Variants in MRTFA observed in about 807,000 individuals in gnomAD.
MRTFA encodes the protein myocardin related transcription factor A.
MRTFA carries 20 observed loss-of-function variants against 83.5 expected under a neutral mutation model. The observed-to-expected ratio is 0.24, with a 90% CI of 0.17 to 0.35. MRTFA has a LOEUF of 0.35. MRTFA is among the 10% of genes least tolerant of loss of function. MRTFA has a pLI of 1.00. For synonymous variants in MRTFA, 659 were observed against 541.2 expected (o/e 1.22, Z -3.02); for missense variants, 1,200 against 1,224.7 (o/e 0.98, Z 0.30).
Position 40,635,630 on chromosome 22 carries a change from C to A in MRTFA, c.-84+848G>T, listed in dbSNP as rs572442075. Among the ~76,000 whole-genome samples, 6 of 152,292 alleles carry A rather than the reference C, an allele frequency of 3.9e-5. No individual in the cohort carries two copies. In the South Asian group the frequency reaches 1.2e-3, roughly 32 times the overall value. ...AGAGAGAAATCTTGACAATGCCAAGCTGGGCTAGTGCTTAAAGGCACACAG... is the reference window on the plus strand; with the variant it reads ...AGAGAGAAATCTTGACAATGCCAAGATGGGCTAGTGCTTAAAGGCACACAG... On this transcript the variant is annotated intron_variant, in intron 1 of 14. Transcript: ENST00000355630.
intron 4 of MRTFA, among the ~76,000 whole-genome samples, chr22:40,457,494 GAAAGAAAGAGAA>G (rs2053616765): frequency 6.6e-6 from 1 of 150,784 alleles, no homozygotes; most frequent in East Asian, 2.0e-4. Context: ...AAGAAGGAAA[GAAAGAAAGAGAA>G]AGAAAGAAAA....
chr22:40,526,767 A>G (rs2054981641), intron 3 of MRTFA: 1 of 152,212 alleles, frequency 6.6e-6, no homozygotes, highest in Non-Finnish European at 1.5e-5. Context: ...GAAGATACAG[A>G]CACTGCAAAA....
At chr22:40,470,257 A>ATATATATATATATATT (rs2053881622) in intron 3 of MRTFA, among the ~76,000 whole-genome samples, 3 of 111,748 alleles carry the variant, frequency 2.7e-5, no homozygotes, top group African/African-American at 1.2e-4. Flanking sequence ...ATATATATAT[A>ATATATATATATATATT]TATATATATA....
chr22:40,453,636 T>C lies in MRTFA; in HGVS notation c.307+9585A>G, dbSNP rs1160564285. On this transcript the variant is annotated intron_variant, in intron 4 of 14. Transcript: ENST00000355630. Reference sequence around the variant, plus strand: ...GTCCCCACCCAAACTCACTCACTGATGAAGTATCCACTGAGACTTAATGTC... The same window carrying C: ...GTCCCCACCCAAACTCACTCACTGACGAAGTATCCACTGAGACTTAATGTC... 2.6e-5 allele frequency among the ~76,000 whole-genome samples: 4 copies of C among 152,258 alleles called. No homozygotes were observed. The East Asian group carries it at 7.7e-4, about 29-fold the overall frequency.
intron 3 of MRTFA, among the ~76,000 whole-genome samples, chr22:40,534,692 T>C (rs1285059955): frequency 6.6e-6 from 1 of 152,202 alleles, no homozygotes; most frequent in African/African-American, 2.4e-5. Flanking sequence ...CATTAACTGA[T>C]ATTCATAACA....
chr22:40,469,440 C>T (rs1336356467), intron 3 of MRTFA, among the ~76,000 whole-genome samples: 1 of 152,218 alleles, frequency 6.6e-6, no homozygotes, highest in African/African-American at 2.4e-5. Flanking sequence ...TAAAAGCTTC[C>T]TGAGGCCTCT....
At chr22:40,475,427 C>T (rs2053976663) in intron 3 of MRTFA, among the ~76,000 whole-genome samples, 2 of 151,918 alleles carry the variant, frequency 1.3e-5, no homozygotes, top group Non-Finnish European at 2.9e-5. Flanking sequence ...ATCCCAGCTA[C>T]CAGGGAGGCT....
chr22:40,627,894 A>G (rs1569359357), intron 1 of MRTFA, among the ~76,000 whole-genome samples: 1 of 152,174 alleles, frequency 6.6e-6, no homozygotes, highest in Non-Finnish European at 1.5e-5. Flanking sequence ...GTTTGAGGTT[A>G]CAGGAGTTTG....
At chr22:40,626,887 A>G (rs1251529450) in intron 1 of MRTFA, among the ~76,000 whole-genome samples, 1 of 151,554 alleles carries the variant, frequency 6.6e-6, no homozygotes, top group African/African-American at 2.4e-5. Flanking sequence ...ACACACACAC[A>G]CACACACACA....
At chr22:40,566,689 G>A (rs1185387875) in intron 2 of MRTFA, among the ~76,000 whole-genome samples, 1 of 152,030 alleles carries the variant, frequency 6.6e-6, no homozygotes, top group Non-Finnish European at 1.5e-5. Context: ...AACAATTAGC[G>A]GAGCATGGTG....
intron 1 of MRTFA, among the ~76,000 whole-genome samples, chr22:40,605,119 T>G (rs1473594159): frequency 6.6e-6 from 1 of 152,200 alleles, no homozygotes; most frequent in African/African-American, 2.4e-5. Flanking sequence ...AAGTAACCAC[T>G]TGTCTGTAAA....
intron 3 of MRTFA, among the ~76,000 whole-genome samples, chr22:40,506,407 A>G (rs1472187397): frequency 6.6e-6 from 1 of 152,204 alleles, no homozygotes; most frequent in Non-Finnish European, 1.5e-5. Context: ...AGAAAATAAG[A>G]TTGTGCACAG....
At chr22:40,579,717 G>A (rs745481532) in intron 2 of MRTFA, among the ~76,000 whole-genome samples, 1 of 151,954 alleles carries the variant, frequency 6.6e-6, no homozygotes, top group South Asian at 2.1e-4. Context: ...AAAATTAGCC[G>A]GGCATGGTGG....
intron 1 of MRTFA, among the ~76,000 whole-genome samples, chr22:40,609,724 G>A (rs376004871): frequency 1.3e-5 from 2 of 151,404 alleles, no homozygotes; most frequent in Admixed American, 1.3e-4. Flanking sequence ...CCAGCTACTC[G>A]GGAGGCTGAG....
intron 3 of MRTFA, among the ~76,000 whole-genome samples, chr22:40,537,023 C>G (rs2055192957): frequency 2.7e-5 from 2 of 74,408 alleles, no homozygotes; most frequent in African/African-American, 5.7e-5. Flanking sequence ...GGGGGGGGGT[C>G]AGCCCCCCCG....
chr22:40,432,357 T>C (rs6001912), intron 5 of MRTFA, among the ~76,000 whole-genome samples: 17,725 of 152,182 alleles, frequency 0.12, 1,189 homozygotes, highest in East Asian at 0.24. Context: ...AAATGGAATA[T>C]GAATTTTGAC....
chr22:40,574,504 G>A (rs576021945), intron 2 of MRTFA, among the ~76,000 whole-genome samples: 11 of 150,832 alleles, frequency 7.3e-5, no homozygotes, highest in East Asian at 3.9e-4. Context: ...GCGTGATCTC[G>A]GCTCACTGCA....
intron 1 of MRTFA, among the ~76,000 whole-genome samples, chr22:40,606,401 T>C (rs951219363): frequency 1.3e-5 from 2 of 152,170 alleles, no homozygotes; most frequent in Admixed American, 1.3e-4. Flanking sequence ...ATCTGTTAAA[T>C]ACTCATGAGC....
chr22:40,635,950 G>A (rs1443017005), intron 1 of MRTFA, among the ~76,000 whole-genome samples: 2 of 152,136 alleles, frequency 1.3e-5, no homozygotes, highest in Non-Finnish European at 2.9e-5. Flanking sequence ...CCTGACAGAC[G>A]CTTTCTTAGG....
Sources: gnomAD v4.1 joint callset for allele counts (sites outside exome capture counted in the v4.1 genomes callset) on GRCh38, gnomAD v4.1.1 for gene constraint, MANE v1.5 for transcripts, NCBI Gene and HGNC (gene_info 2026-07-23, HGNC 2026-07-21) for gene names.